Variants in SPHKAP observed in about 807,000 individuals in gnomAD.
The protein encoded by SPHKAP is A-kinase anchor protein SPHKAP.
SPHKAP carries 67 observed loss-of-function variants against 137.5 expected under a neutral mutation model. The observed-to-expected ratio is 0.49, with a 90% CI of 0.40 to 0.60. The LOEUF (loss-of-function observed/expected upper bound fraction) is 0.60, where lower values mean the gene tolerates loss of function less well. Ranked by LOEUF, SPHKAP falls within the 20% of genes least tolerant of loss-of-function variation. The pLI, the probability that SPHKAP is intolerant of heterozygous loss-of-function variation, is 0.00. For missense variants in SPHKAP, 2,097 were observed against 2,069.3 expected (o/e 1.01, Z -0.26); for synonymous variants, 813 against 785.3 (o/e 1.04, Z -0.59).
At position 228,016,651 on chromosome 2, in the gene SPHKAP, A is replaced by G. The variant is rs1694606121; in HGVS notation, c.4203T>C (p.Ser1401=). 3 of 1,613,416 alleles carry G rather than the reference A, an allele frequency of 1.9e-6. No individual in the cohort carries two copies. The highest frequency in any genetic ancestry group is 2.5e-6 in the Non-Finnish European group (3 of 1,179,912). The change falls in exon 7 of 12, where the codon TCT becomes TCC. Residue 1401 remains serine (S), a synonymous_variant. Transcript: ENST00000392056. ...ASLTNHSPLD[S]KKETSSCQDP... is the part of the protein sequence containing the mutation. ...CCTGGCACGAGGAAGTTTCTTTTTT[A>G]GAATCTAAAGGGCTGTGGTTTGTAA...
rs773578454 is a variant in SPHKAP at position 228,018,149 on chromosome 2, G to T, written c.2705C>A (p.Ser902Tyr). 6.2e-7 allele frequency: 1 copy of T among 1,614,146 alleles called. No homozygotes were observed. The highest frequency in any genetic ancestry group is 8.5e-7 in the Non-Finnish European group (1 of 1,180,036). The change falls in exon 7 of 12, where the codon TCC becomes TAC. Residue 902 changes from serine to tyrosine, a missense_variant. Transcript: ENST00000392056. ...SRINEVQVNL[S>Y]LLGDDLLLPA... ...AAGCAGCAGGTCATCCCCTAACAAG[G>T]ACAGGTTGACTTGAACTTCGTTGAT... is the stretch of plus-strand genomic sequence containing the variant.
At chr2:227,991,866 TA>T in intron 9 of SPHKAP, 1 of 291,724 alleles carries the variant, frequency 3.4e-6, no homozygotes, top group South Asian at 1.3e-4. Context: ...CTGCAGAACT[TA>T]AATTTGACAG....
chr2:228,155,075 GA>G (rs1403610976), intron 1 of SPHKAP, among the ~76,000 whole-genome samples: 1 of 152,090 alleles, frequency 6.6e-6, no homozygotes, highest in African/African-American at 2.4e-5. Flanking sequence ...TGGTTTCACT[GA>G]AAGTTTTCTT....
intron 3 of SPHKAP, among the ~76,000 whole-genome samples, chr2:228,049,306 T>C (rs1696172255): frequency 6.6e-6 from 1 of 152,250 alleles, no homozygotes; most frequent in Non-Finnish European, 1.5e-5. Context: ...TAAATAACTA[T>C]GTAAGTAATA....
intron 2 of SPHKAP, among the ~76,000 whole-genome samples, chr2:228,117,143 G>T (rs186222030): frequency 3.5e-4 from 53 of 152,198 alleles, no homozygotes; most frequent in Middle Eastern, 3.4e-3. Flanking sequence ...TATTCAATTT[G>T]TGTCCCACAC....
intron 3 of SPHKAP, among the ~76,000 whole-genome samples, chr2:228,093,680 A>G (rs1697883412): frequency 6.6e-6 from 1 of 151,744 alleles, no homozygotes; most frequent in Non-Finnish European, 1.5e-5. Context: ...CAACATGGTG[A>G]AACCCAGTCT....
intron 1 of SPHKAP, among the ~76,000 whole-genome samples, chr2:228,150,588 A>G (rs1194483571): frequency 1.3e-5 from 2 of 151,998 alleles, no homozygotes; most frequent in Non-Finnish European, 2.9e-5. Context: ...TATTATTGAT[A>G]ATACTTTTGT....
chr2:228,155,764 T>C (rs1414364016), intron 1 of SPHKAP, among the ~76,000 whole-genome samples: 2 of 152,212 alleles, frequency 1.3e-5, no homozygotes, highest in African/African-American at 2.4e-5. Flanking sequence ...ACAATGCTTC[T>C]CTTATTCCTA....
intron 3 of SPHKAP, among the ~76,000 whole-genome samples, chr2:228,080,356 A>T (rs576472751): frequency 6.6e-6 from 1 of 152,354 alleles, no homozygotes; most frequent in South Asian, 2.1e-4. Flanking sequence ...ACAAATGGAC[A>T]ACAAGTATAT....
intron 2 of SPHKAP, among the ~76,000 whole-genome samples, chr2:228,112,278 C>T (rs1433557095): frequency 6.6e-6 from 1 of 152,196 alleles, no homozygotes; most frequent in African/African-American, 2.4e-5. Flanking sequence ...GTGTAAAATA[C>T]AGGCATCAAA....
intron 7 of SPHKAP, among the ~76,000 whole-genome samples, chr2:228,006,506 A>T (rs12476969): frequency 0.2 from 30,193 of 151,950 alleles, 3,355 homozygotes; most frequent in East Asian, 0.39. Context: ...TAGCTCGGAG[A>T]AGTTTGATCG....
At chr2:228,109,036 T>C in intron 2 of SPHKAP, 97 bp from the exon 3 acceptor site, 2 of 813,784 alleles carry the variant, frequency 2.5e-6, no homozygotes, top group East Asian at 5.9e-5. Flanking sequence ...AAAAAACCTG[T>C]AGGTGTTTTC....
rs544963652 is a variant in SPHKAP, at chr2:228,146,141, G to C, written c.33-14056C>G. Among the ~76,000 whole-genome samples the C allele has an allele frequency of 1.1e-3, 166 of 152,044 alleles. 1 individual carries two copies. In the Middle Eastern group the frequency reaches 0.014, roughly 12 times the overall value. On this transcript the variant is annotated intron_variant, in intron 1 of 11. Transcript: ENST00000392056. The stretch of plus-strand genomic sequence containing the variant: ...TTTTAGGTTCACAGCAAATTTAACA[G>C]GAAGGTCCAGAGAGTTCCCATGTAC...
intron 3 of SPHKAP, among the ~76,000 whole-genome samples, chr2:228,088,081 G>A (rs1212939899): frequency 2.0e-5 from 3 of 152,086 alleles, no homozygotes; most frequent in African/African-American, 7.2e-5. Context: ...GGATAGAACT[G>A]AGTTGTACTG....
intron 3 of SPHKAP, among the ~76,000 whole-genome samples, chr2:228,079,787 C>T (rs1240064200): frequency 6.6e-6 from 1 of 152,194 alleles, no homozygotes; most frequent in African/African-American, 2.4e-5. Flanking sequence ...TCATCAGGTT[C>T]ACCCCAGTGG....
At chr2:228,023,850 C>A (rs1694932514) in intron 5 of SPHKAP, among the ~76,000 whole-genome samples, 1 of 152,144 alleles carries the variant, frequency 6.6e-6, no homozygotes, top group Admixed American at 6.5e-5. Flanking sequence ...CTGAATAATG[C>A]ATTCCTTGGG....
At chr2:228,048,079 G>GTT in intron 3 of SPHKAP, among the ~76,000 whole-genome samples, 1 of 152,228 alleles carries the variant, frequency 6.6e-6, no homozygotes, top group Non-Finnish European at 1.5e-5. Context: ...GGAGAAAAAA[G>GTT]TTGTATCTTA....
intron 4 of SPHKAP, among the ~76,000 whole-genome samples, chr2:228,026,182 ATCCAATAAACCTCTTTCTTATAAG>A (rs1011448383): frequency 3.9e-5 from 6 of 152,240 alleles, no homozygotes; most frequent in South Asian, 4.1e-4. Flanking sequence ...GGAACTGTAA[ATCCAATAAACCTCTTTCTTATAAG>A]TCCAATAAAC....
chr2:228,051,748 T>C (rs1419299753), intron 3 of SPHKAP, among the ~76,000 whole-genome samples: 2 of 152,234 alleles, frequency 1.3e-5, no homozygotes, highest in African/African-American at 4.8e-5. Flanking sequence ...CAAATATATT[T>C]CTCAGAGTTC....
Sources: allele counts gnomAD v4.1 joint callset (sites outside exome capture counted in the v4.1 genomes callset), GRCh38; gene constraint gnomAD v4.1.1; transcripts MANE v1.5; gene names NCBI Gene and HGNC (gene_info 2026-07-23, HGNC 2026-07-21).